The following PDZD8 variants were observed in gnomAD, a reference collection of about 807,000 sequenced individuals.
PDZD8 encodes PDZ domain containing 8.
Under a neutral mutation model 85.8 loss-of-function variants are expected in PDZD8, and 14 were observed. The ratio of observed to expected loss-of-function variants is 0.16; its 90% CI spans 0.11 to 0.26. The LOEUF (loss-of-function observed/expected upper bound fraction) is 0.26. PDZD8 is among the 10% of genes least tolerant of loss of function. The pLI is 1.00. For missense variants in PDZD8, 1,197 were observed against 1,424.3 expected, an observed-to-expected ratio of 0.84 and a Z score of 2.57; for synonymous variants, 592 against 568.6, an observed-to-expected ratio of 1.04 and a Z score of -0.59.
At chr10:117,353,469 AAT>A (rs1281344160) in intron 1 of PDZD8, among the ~76,000 whole-genome samples, 5 of 152,198 alleles carry the variant, frequency 3.3e-5, no homozygotes, top group Admixed American at 6.5e-5. Flanking sequence ...TCTCTGTTCT[AAT>A]AAAAATCCAT....
rs1565014881 is a variant in PDZD8, at chr10:117,283,803, T to C, written c.2930A>G (p.Asn977Ser). ...ACAGACCTCCGTGTCACTGCCTTCG[T>C]TGTCTGACGTGTTGGGTGTGTGTTT... ...SPKHTPNTSDNEGSDTEVCGP... is the reference protein window; with the variant it reads ...SPKHTPNTSDSEGSDTEVCGP... Residue 977 changes from asparagine (N) to serine (S), a missense_variant, in exon 5 of 5, where the codon AAC (asparagine) becomes AGC (serine). This residue lies in a region of PDZD8 where 418 missense variants were observed against 571.1 expected (regional missense o/e 0.73). Coordinates refer to ENST00000334464, the MANE Select transcript of PDZD8 (RefSeq NM_173791.5). The C allele has an allele frequency of 1.2e-6, 2 of 1,614,224 alleles. No individual in the cohort carries two copies. Among genetic ancestry groups the C allele is most frequent in the East Asian group, 4.5e-5 (2 of 44,886 alleles).
chr10:117,323,967 C>T (rs1844270610), intron 2 of PDZD8, among the ~76,000 whole-genome samples: 1 of 152,136 alleles, frequency 6.6e-6, no homozygotes, highest in Non-Finnish European at 1.5e-5. Flanking sequence ...GTAGCTCTCG[C>T]CCGTAATCCC....
rs755117568 is a variant in PDZD8 at position 117,283,533 on chromosome 10, G to C, written c.3200C>G (p.Thr1067Arg). ...AGCAGAAAGAAGTGATTTTTTCCTT[G>C]TATCAGTTGTCTCTTTTTCTTCTCT... ...LVREEKETTD[T>R]RKKSLLSAAL... The change falls in exon 5 of 5, where the codon ACA (threonine) becomes AGA (arginine). Residue 1067 changes from threonine (T) to arginine (R), a missense_variant. Thr to Arg is a moderately conservative substitution (Grantham distance 71, BLOSUM62 -1). This residue lies in a region of PDZD8 where 418 missense variants were observed against 571.1 expected (regional missense o/e 0.73). Transcript: ENST00000334464. 2 of 1,614,096 alleles carry C rather than the reference G, an allele frequency of 1.2e-6. No individual in the cohort carries two copies. Among genetic ancestry groups the C allele is most frequent in the South Asian group, 1.1e-5 (1 of 91,078 alleles).
intron 1 of PDZD8, among the ~76,000 whole-genome samples, chr10:117,350,679 G>A (rs1397314638): frequency 4.0e-5 from 6 of 151,516 alleles, no homozygotes; most frequent in Admixed American, 2.0e-4. Context: ...CGAGGCAGGC[G>A]GATCACAAAG....
rs1434637290 is a variant in PDZD8 at position 117,319,037 on chromosome 10, TC to T, written c.996-64del. 6.1e-6 allele frequency: 7 copies of T among 1,146,402 alleles called. No individual in the cohort carries two copies. The Admixed American group carries it at 1.4e-4, about 23-fold the overall frequency. The allele number at this position is 1,146,402 out of a possible 1,614,324, so 71.0% of individuals were successfully genotyped here. A position where few individuals can be genotyped will look rare whatever the true frequency, so the allele number is the denominator to read the frequency against. On this transcript the variant is annotated intron_variant, in intron 2 of 4. Coordinates refer to ENST00000334464, the MANE Select transcript of PDZD8 (RefSeq NM_173791.5). ...TGTTATATTCATTAAAATTTTTCTT[TC>T]TGATTATTATAACAAGAAACAACAC...
At chr10:117,362,226 A>G (rs1845011890) in intron 1 of PDZD8, among the ~76,000 whole-genome samples, 1 of 152,202 alleles carries the variant, frequency 6.6e-6, no homozygotes, top group Non-Finnish European at 1.5e-5. Flanking sequence ...TAAAGTTTGT[A>G]TATCCTTATT....
chr10:117,294,892 A>G (rs550400787), intron 3 of PDZD8, among the ~76,000 whole-genome samples: 1 of 152,270 alleles, frequency 6.6e-6, no homozygotes, highest in East Asian at 1.9e-4. Context: ...AAGTGGCTAT[A>G]AAAAGTTACA....
At chr10:117,292,579 T>G (rs1220503604) in intron 3 of PDZD8, among the ~76,000 whole-genome samples, 1 of 7,084 alleles carries the variant, frequency 1.4e-4, no homozygotes, top group African/African-American at 2.5e-4. Flanking sequence ...TTGGAATGTG[T>G]TTTTTTTTTT....
intron 3 of PDZD8, among the ~76,000 whole-genome samples, chr10:117,300,292 T>A (rs1843824909): frequency 6.6e-6 from 1 of 152,140 alleles, no homozygotes; most frequent in Non-Finnish European, 1.5e-5. Context: ...TGGATAAACA[T>A]CCTAAATAAG....
chr10:117,307,447 C>T lies in PDZD8; in HGVS notation c.1098+11425G>A, dbSNP rs568931087. On this transcript the variant is annotated intron_variant, in intron 3 of 4. Coordinates refer to ENST00000334464, the MANE Select transcript of PDZD8 (RefSeq NM_173791.5). ...TTCTGACAACACTCTCAGTATTGAT[C>T]AACTTACAAAAGATAATTCACAATC... Among the ~76,000 whole-genome samples, 18 of 152,094 alleles carry T rather than the reference C, an allele frequency of 1.2e-4. No individual in the cohort carries two copies. The South Asian group carries it at 3.5e-3, about 30-fold the overall frequency.
chr10:117,361,308 C>T (rs1844995424), intron 1 of PDZD8, among the ~76,000 whole-genome samples: 1 of 152,092 alleles, frequency 6.6e-6, no homozygotes, highest in African/African-American at 2.4e-5. Context: ...TTTCTTACTA[C>T]TAGATTTTTA....
intron 2 of PDZD8, among the ~76,000 whole-genome samples, chr10:117,333,032 T>C (rs1589572652): frequency 6.9e-6 from 1 of 144,528 alleles, no homozygotes; most frequent in Admixed American, 7.3e-5. Flanking sequence ...GGCAGGAGAA[T>C]CACTTGAACT....
intron 2 of PDZD8, among the ~76,000 whole-genome samples, chr10:117,333,117 C>CAAAAAA (rs752527474): frequency 4.1e-4 from 3 of 7,264 alleles, no homozygotes; most frequent in Non-Finnish European, 5.8e-4. Flanking sequence ...GACTCTGTCT[C>CAAAAAA]AAAAAAAAAA....
At chr10:117,369,848 A>G (rs191853725) in intron 1 of PDZD8, among the ~76,000 whole-genome samples, 1 of 152,250 alleles carries the variant, frequency 6.6e-6, no homozygotes, top group East Asian at 1.9e-4. Context: ...AACACACAGA[A>G]TTTTCCATTT....
intron 1 of PDZD8, among the ~76,000 whole-genome samples, chr10:117,371,034 C>T (rs952632241): frequency 6.6e-6 from 1 of 151,644 alleles, no homozygotes; most frequent in Non-Finnish European, 1.5e-5. Flanking sequence ...TTAACTACTC[C>T]GAGCTCCATT....
intron 2 of PDZD8, among the ~76,000 whole-genome samples, chr10:117,331,673 A>G (rs907512763): frequency 6.6e-6 from 1 of 152,218 alleles, no homozygotes; most frequent in African/African-American, 2.4e-5. Context: ...ATTTTGGAGT[A>G]TGGCATTTTA....
chr10:117,340,846 T>C, intron 2 of PDZD8, 134 bp downstream of exon 2: 1 of 1,040,256 alleles, frequency 9.6e-7, no homozygotes, highest in South Asian at 1.9e-5. Context: ...ACTTTTATGA[T>C]ATTAAATTTA....
chr10:117,316,246 G>A (rs1844127601), intron 3 of PDZD8, among the ~76,000 whole-genome samples: 1 of 152,194 alleles, frequency 6.6e-6, no homozygotes, highest in African/African-American at 2.4e-5. Context: ...GCACTGGTCT[G>A]AGTGAGTTTG....
At chr10:117,305,982 T>C (rs1463889148) in intron 3 of PDZD8, among the ~76,000 whole-genome samples, 1 of 152,170 alleles carries the variant, frequency 6.6e-6, no homozygotes, top group Admixed American at 6.5e-5. Flanking sequence ...TCTACCACAC[T>C]GGGTTGTTGT....
Sources: gnomAD v4.1 joint callset for allele counts (sites outside exome capture counted in the v4.1 genomes callset) on GRCh38, gnomAD v4.1.1 for gene constraint, gnomAD v4.1.1 regional missense constraint, MANE v1.5 for transcripts, NCBI Gene and HGNC (gene_info 2026-07-23, HGNC 2026-07-21) for gene names.